Variants in ADAMTS6 observed in about 807,000 individuals in gnomAD.
ADAMTS6 encodes ADAM metallopeptidase with thrombospondin type 1 motif 6, also known as A disintegrin and metalloproteinase with thrombospondin motifs 6.
A neutral mutation model predicts 144.3 loss-of-function variants in ADAMTS6; 23 were observed. That is an observed-to-expected ratio of 0.16 (90% CI 0.11 to 0.23). The LOEUF (loss-of-function observed/expected upper bound fraction) is 0.23, where lower values mean the gene tolerates loss of function less well. Among genes scored for constraint, ADAMTS6 ranks in the 10% least tolerant of loss-of-function variants. ADAMTS6 has a pLI of 1.00. For synonymous variants in ADAMTS6, 444 were observed against 457.5 expected, an observed-to-expected ratio of 0.97 and a Z score of 0.38; for missense variants, 999 against 1,379.6, an observed-to-expected ratio of 0.72 and a Z score of 4.37.
chr5:65,447,283 A>G (rs1223970742), intron 7 of ADAMTS6, among the ~76,000 whole-genome samples: 2 of 152,118 alleles, frequency 1.3e-5, no homozygotes, highest in Non-Finnish European at 2.9e-5. Flanking sequence ...CTGAAAATTT[A>G]ATTAAATTAA....
chr5:65,378,681 A>G (rs1456947901), intron 7 of ADAMTS6, among the ~76,000 whole-genome samples: 1 of 152,068 alleles, frequency 6.6e-6, no homozygotes, highest in Non-Finnish European at 1.5e-5. Flanking sequence ...CCTTTCTTCA[A>G]CTTAAGAATA....
At position 65,300,922 on chromosome 5, in the gene ADAMTS6, C is replaced by T. The variant is rs535790411; in HGVS notation, c.1224-791G>A. On this transcript the variant is annotated intron_variant, in intron 9 of 24. Transcript: ENST00000381055. ...CTGGGATTAAAGGCGGGAGCCACCGCGCCCGGCCGTAAGTCCTTTTTCTCA... is the reference window on the plus strand; with the variant it reads ...CTGGGATTAAAGGCGGGAGCCACCGTGCCCGGCCGTAAGTCCTTTTTCTCA... Among the ~76,000 whole-genome samples the T allele has an allele frequency of 1.3e-4, 20 of 152,262 alleles. No homozygotes were observed. The South Asian group carries it at 1.7e-3, about 13-fold the overall frequency.
At chr5:65,373,698 A>G (rs1275680294) in intron 7 of ADAMTS6, among the ~76,000 whole-genome samples, 1 of 152,232 alleles carries the variant, frequency 6.6e-6, no homozygotes, top group Non-Finnish European at 1.5e-5. Context: ...AACTGGTACC[A>G]TTCCTTCTGA....
At chr5:65,288,439 A>C (rs1226136514) in intron 11 of ADAMTS6, among the ~76,000 whole-genome samples, 1 of 149,028 alleles carries the variant, frequency 6.7e-6, no homozygotes, top group African/African-American at 2.5e-5. Context: ...CCTGCCTCAG[A>C]CTCCTGAGTA....
intron 11 of ADAMTS6, among the ~76,000 whole-genome samples, 157 bp from the exon 12 acceptor site, chr5:65,273,604 G>A (rs1388124391): frequency 6.6e-6 from 1 of 152,122 alleles, no homozygotes; most frequent in Non-Finnish European, 1.5e-5. Flanking sequence ...AGGTTTTTAT[G>A]AAACATCTTG....
At chr5:65,380,572 T>C (rs1270085543) in intron 7 of ADAMTS6, among the ~76,000 whole-genome samples, 1 of 152,154 alleles carries the variant, frequency 6.6e-6, no homozygotes, top group Admixed American at 6.6e-5. Flanking sequence ...TCAGACTCTG[T>C]CTCAAAAAGC....
At chr5:65,382,156 T>C (rs1752101739) in intron 7 of ADAMTS6, among the ~76,000 whole-genome samples, 1 of 152,196 alleles carries the variant, frequency 6.6e-6, no homozygotes, top group Admixed American at 6.5e-5. Context: ...GGAAACTCCG[T>C]AACTCTTGGA....
chr5:65,292,022 A>G (rs1399135390), intron 10 of ADAMTS6, among the ~76,000 whole-genome samples: 1 of 152,168 alleles, frequency 6.6e-6, no homozygotes, highest in Non-Finnish European at 1.5e-5. Flanking sequence ...CAAATATATT[A>G]GAAGTGTTTA....
intron 7 of ADAMTS6, 28 bp from the exon 8 acceptor site, chr5:65,334,113 T>A (rs184014516): frequency 1.3e-6 from 2 of 1,512,338 alleles, no homozygotes; most frequent in African/African-American, 2.9e-5. Context: ...ATGAAATTTG[T>A]AATCTGATCA....
At chr5:65,168,386 GATACA>G (rs1324679869) in intron 24 of ADAMTS6, among the ~76,000 whole-genome samples, 1 of 150,880 alleles carries the variant, frequency 6.6e-6, no homozygotes, top group African/African-American at 2.4e-5. Flanking sequence ...AATAAAAGAG[GATACA>G]AACAAATGGA....
intron 7 of ADAMTS6, among the ~76,000 whole-genome samples, chr5:65,395,713 G>A (rs1753279653): frequency 6.6e-6 from 1 of 152,060 alleles, no homozygotes; most frequent in Non-Finnish European, 1.5e-5. Context: ...TACTTAATGG[G>A]CTGTTAATAT....
intron 7 of ADAMTS6, among the ~76,000 whole-genome samples, chr5:65,400,092 C>A (rs1753787151): frequency 6.6e-6 from 1 of 152,184 alleles, no homozygotes; most frequent in Non-Finnish European, 1.5e-5. Context: ...TTCTTGCTTG[C>A]ATAGTTTCTG....
chr5:65,274,087 G>C (rs1240372303), intron 11 of ADAMTS6, among the ~76,000 whole-genome samples: 1 of 152,074 alleles, frequency 6.6e-6, no homozygotes, highest in Non-Finnish European at 1.5e-5. Flanking sequence ...AGAATGCTTT[G>C]GGTATGTTGT....
intron 7 of ADAMTS6, among the ~76,000 whole-genome samples, chr5:65,409,764 C>G (rs1044430920): frequency 1.3e-5 from 2 of 152,180 alleles, no homozygotes; most frequent in Non-Finnish European, 2.9e-5. Flanking sequence ...TACTGGCAAA[C>G]TGAATCCAGC....
At chr5:65,404,755 C>T (rs1323564743) in intron 7 of ADAMTS6, among the ~76,000 whole-genome samples, 1 of 152,142 alleles carries the variant, frequency 6.6e-6, no homozygotes, top group African/African-American at 2.4e-5. Flanking sequence ...AGTTTACAGT[C>T]CCACCAACAG....
intron 9 of ADAMTS6, among the ~76,000 whole-genome samples, chr5:65,319,164 T>C (rs1745293050): frequency 6.6e-6 from 1 of 151,900 alleles, no homozygotes. Context: ...ACACGAAAAA[T>C]TTTTAACTGA....
chr5:65,300,906 A>G (rs1743306999), intron 9 of ADAMTS6, among the ~76,000 whole-genome samples: 1 of 152,044 alleles, frequency 6.6e-6, no homozygotes, highest in South Asian at 2.1e-4. Flanking sequence ...GCTGGGATTA[A>G]AGGCGGGAGC....
At chr5:65,152,544 A>G (rs1015796896) in intron 24 of ADAMTS6, among the ~76,000 whole-genome samples, 1 of 152,222 alleles carries the variant, frequency 6.6e-6, no homozygotes, top group Non-Finnish European at 1.5e-5. Context: ...GGTTATGGAA[A>G]CATGTAGAAA....
intron 23 of ADAMTS6, 94 bp downstream of exon 23, chr5:65,172,738 C>T: frequency 7.1e-7 from 1 of 1,410,474 alleles, no homozygotes; most frequent in Non-Finnish European, 9.6e-7. Flanking sequence ...AATTCTTACT[C>T]ATCTCTCAAG....
Sources: allele counts gnomAD v4.1 joint callset (sites outside exome capture counted in the v4.1 genomes callset), GRCh38; gene constraint gnomAD v4.1.1; transcripts MANE v1.5; gene names NCBI Gene and HGNC (gene_info 2026-07-23, HGNC 2026-07-21).